ACAD9: variants seen among roughly 807,000 people sequenced by gnomAD.
The protein encoded by ACAD9 is acyl-CoA dehydrogenase family member 9.
In ACAD9, 53 loss-of-function variants were observed where a neutral mutation model predicts 70.2. The observed-to-expected ratio is 0.75, with a 90% CI of 0.61 to 0.95. The LOEUF (loss-of-function observed/expected upper bound fraction) is 0.95. ACAD9 is among the 40% of genes least tolerant of loss of function. ACAD9 has a pLI of 0.00. For missense variants in ACAD9, 777 were observed against 802.8 expected, an observed-to-expected ratio of 0.97 and a Z score of 0.39; for synonymous variants, 313 against 312.1, an observed-to-expected ratio of 1.00 and a Z score of -0.03.
At chr3:128,890,844 T>C (rs944195062) in intron 2 of ACAD9, among the ~76,000 whole-genome samples, 4 of 97,000 alleles carry the variant, frequency 4.1e-5, no homozygotes, top group Non-Finnish European at 7.4e-5. Flanking sequence ...TTTAGAGCAA[T>C]TTTTTTTTTT....
chr3:128,886,021 A>T (rs998682241), intron 2 of ACAD9, among the ~76,000 whole-genome samples: 11 of 150,856 alleles, frequency 7.3e-5, no homozygotes, highest in African/African-American at 2.7e-4. Context: ...TGTCTAAAAA[A>T]AAAAAATAAA....
chr3:128,912,438 C>T, intron 17 of ACAD9, 69 bp from the exon 18 acceptor site: 2 of 1,433,990 alleles, frequency 1.4e-6, no homozygotes, highest in Non-Finnish European at 2.0e-6. Flanking sequence ...AAAAATGCCC[C>T]CACTTCAGCC....
At chr3:128,884,239 A>G (rs1489294845) in intron 1 of ACAD9, among the ~76,000 whole-genome samples, 1 of 152,192 alleles carries the variant, frequency 6.6e-6, no homozygotes, top group African/African-American at 2.4e-5. Context: ...AGTAAATATT[A>G]CCTGCATGTT....
intron 13 of ACAD9, chr3:128,908,555 GAGGTGTCCCTTTAA>G (rs1411788194): frequency 3.5e-6 from 2 of 573,208 alleles, no homozygotes; most frequent in African/African-American, 3.8e-5. Flanking sequence ...TGAAGAATGA[GAGGTGTCCCTTTAA>G]AGGTGCCAGG....
chr3:128,902,758 C>T lies in ACAD9; in HGVS notation c.958+130C>T. The T allele has an allele frequency of 9.4e-7, 1 of 1,069,328 alleles. No individual in the cohort carries two copies. Among genetic ancestry groups the T allele is most frequent in the Non-Finnish European group, 1.4e-6 (1 of 710,260 alleles). The allele number at this position is 1,069,328 out of a possible 1,614,324, so 66.2% of individuals were successfully genotyped here. On this transcript the variant is annotated intron_variant, in intron 9 of 17. Transcript: ENST00000308982. The surrounding 1 kb of genome is among the most constrained non-coding windows in gnomAD (Gnocchi z 4.0). ...ACCAGGCTACCAGCCTGAGCTCAGT[C>T]CCTGGGCTTTTGTGGAGACCAGAGG...
intron 5 of ACAD9, among the ~76,000 whole-genome samples, chr3:128,896,927 C>T (rs184892411): frequency 2.1e-4 from 32 of 152,230 alleles, no homozygotes; most frequent in Admixed American, 7.9e-4. Flanking sequence ...AGCAGGGCTG[C>T]GGCAGCACTC....
At chr3:128,910,439 G>A (rs1936152075) in intron 16 of ACAD9, 1 of 1,183,712 alleles carries the variant, frequency 8.4e-7, no homozygotes, top group Non-Finnish European at 1.2e-6. Context: ...GGAGGCGGGT[G>A]CAGTCTCTGA....
intron 16 of ACAD9, 96 bp from the exon 17 acceptor site, chr3:128,910,645 C>T: frequency 1.5e-6 from 2 of 1,340,630 alleles, no homozygotes; most frequent in Non-Finnish European, 2.1e-6. Flanking sequence ...TGACCCCTGC[C>T]ATGCTACCCA....
chr3:128,896,039 C>A (rs957987780), intron 4 of ACAD9, among the ~76,000 whole-genome samples: 1 of 152,220 alleles, frequency 6.6e-6, no homozygotes, highest in Non-Finnish European at 1.5e-5. Context: ...AGGCTTGGTT[C>A]CAGCACTCCT....
chr3:128,887,644 AATATATATATATATAT>A (rs71153150), intron 2 of ACAD9, among the ~76,000 whole-genome samples: 2 of 133,104 alleles, frequency 1.5e-5, no homozygotes, highest in African/African-American at 5.8e-5. Flanking sequence ...AAAATAAATA[AATATATATATATATAT>A]ATATATATGC....
Position 128,910,858 on chromosome 3 carries a change from G to T in ACAD9, c.1765+45G>T, listed in dbSNP as rs1282110700. 4.4e-6 allele frequency: 7 copies of T among 1,600,508 alleles called. No homozygotes were observed. The African/African-American group carries it at 8.0e-5, about 18-fold the overall frequency. On this transcript the variant is annotated intron_variant, in intron 17 of 17. Transcript: ENST00000308982. ...GGAGGGAAGGAAGGGCCCACTTCTAGGCCCCTATTGATGGTGAGCTGTTTC... is the reference window on the plus strand; with the variant it reads ...GGAGGGAAGGAAGGGCCCACTTCTATGCCCCTATTGATGGTGAGCTGTTTC...
At chr3:128,895,975 C>T (rs1359075465) in intron 4 of ACAD9, among the ~76,000 whole-genome samples, 2 of 152,242 alleles carry the variant, frequency 1.3e-5, no homozygotes, top group African/African-American at 4.8e-5. Flanking sequence ...GTCTTTGTGG[C>T]ACTGGGAGGG....
At chr3:128,892,997 G>C (rs1259297257) in intron 2 of ACAD9, among the ~76,000 whole-genome samples, 1 of 152,072 alleles carries the variant, frequency 6.6e-6, no homozygotes, top group African/African-American at 2.4e-5. Flanking sequence ...AAGCACCCCT[G>C]TGACTAGCAC....
chr3:128,891,761 C>G (rs1172408097), intron 2 of ACAD9, among the ~76,000 whole-genome samples: 1 of 152,210 alleles, frequency 6.6e-6, no homozygotes, highest in Admixed American at 6.5e-5. Flanking sequence ...TGCTTCCATT[C>G]TTTGTTCCTT....
At chr3:128,894,548 T>TA (rs1013623703) in intron 3 of ACAD9, among the ~76,000 whole-genome samples, 12 of 151,196 alleles carry the variant, frequency 7.9e-5, no homozygotes, top group African/African-American at 2.4e-4. Context: ...TTTTTTTTTT[T>TA]TTTTGAGACA....
At position 128,903,922 on chromosome 3, in the gene ACAD9, A is replaced by G. The variant is rs998979722; in HGVS notation, c.959-140A>G. The stretch of plus-strand genomic sequence containing the variant: ...ACGGGTGCTGGCAAGTGGGGGTGCC[A>G]GCTTCTGGGGTATTTGACCTCAGCA... On this transcript the variant is annotated intron_variant, in intron 9 of 17. Coordinates refer to ENST00000308982, the MANE Select transcript of ACAD9 (RefSeq NM_014049.5). 3 of 865,790 alleles carry G rather than the reference A, an allele frequency of 3.5e-6. No individual in the cohort carries two copies. The African/African-American group carries it at 5.0e-5, about 14-fold the overall frequency. 53.6% of individuals were successfully genotyped at this position (865,790 alleles called of 1,614,324 possible).
chr3:128,891,114 T>C (rs1168065681), intron 2 of ACAD9, among the ~76,000 whole-genome samples: 1 of 152,106 alleles, frequency 6.6e-6, no homozygotes, highest in East Asian at 1.9e-4. Flanking sequence ...GCTGGGATTA[T>C]AGGCTTGAGC....
intron 2 of ACAD9, among the ~76,000 whole-genome samples, chr3:128,891,633 AAAAAG>A (rs1935424504): frequency 1.3e-5 from 2 of 152,216 alleles, no homozygotes; most frequent in South Asian, 4.1e-4. Context: ...AAAGAAAAAG[AAAAAG>A]AAAAGTCTGT....
intron 7 of ACAD9, 60 bp downstream of exon 7, chr3:128,899,521 A>C: frequency 8.3e-7 from 1 of 1,211,330 alleles, no homozygotes; most frequent in East Asian, 3.5e-5. Context: ...CTGGCCTTTG[A>C]CGGTGTGTGT....
Sources: gnomAD v4.1 joint callset for allele counts (sites outside exome capture counted in the v4.1 genomes callset) on GRCh38, gnomAD v4.1.1 for gene constraint, Gnocchi (gnomAD v3.1) non-coding constraint, MANE v1.5 for transcripts, NCBI Gene and HGNC (gene_info 2026-07-23, HGNC 2026-07-21) for gene names.